The following PCCA variants were observed in gnomAD, a reference collection of about 807,000 sequenced individuals.
PCCA encodes the protein propionyl-CoA carboxylase subunit alpha, also known as propionyl-CoA carboxylase alpha chain, mitochondrial.
In PCCA, 74 loss-of-function variants were observed where a neutral mutation model predicts 101.3. That is an observed-to-expected ratio of 0.73 (90% CI 0.61 to 0.89). The LOEUF is 0.89. Ranked by LOEUF, PCCA falls within the 40% of genes least tolerant of loss-of-function variation. The pLI is 0.00. For missense variants in PCCA, 891 were observed against 907.0 expected (o/e 0.98, Z 0.23); for synonymous variants, 294 against 313.6 (o/e 0.94, Z 0.66).
intron 18 of PCCA, among the ~76,000 whole-genome samples, chr13:100,362,162 G>A (rs1437417039): frequency 6.6e-6 from 1 of 152,168 alleles, no homozygotes; most frequent in African/African-American, 2.4e-5. Flanking sequence ...CTGTTCTTGT[G>A]AAGCTCAGAA....
intron 21 of PCCA, among the ~76,000 whole-genome samples, chr13:100,462,409 A>T (rs969035714): frequency 6.6e-6 from 1 of 152,204 alleles, no homozygotes; most frequent in Non-Finnish European, 1.5e-5. Context: ...TTAGTTGAAC[A>T]TGACTTGGTC....
chr13:100,235,371 C>T (rs2060731306), intron 7 of PCCA, among the ~76,000 whole-genome samples: 1 of 151,460 alleles, frequency 6.6e-6, no homozygotes, highest in Non-Finnish European at 1.5e-5. Context: ...CCTGTAGGTA[C>T]TGGAAATTAA....
At chr13:100,469,622 C>T (rs928873011) in intron 21 of PCCA, among the ~76,000 whole-genome samples, 3 of 151,886 alleles carry the variant, frequency 2.0e-5, no homozygotes, top group South Asian at 2.1e-4. Flanking sequence ...ACTAAAAATA[C>T]AGTATTAGCT....
chr13:100,239,144 C>G (rs1234047425), intron 8 of PCCA, among the ~76,000 whole-genome samples: 1 of 152,142 alleles, frequency 6.6e-6, no homozygotes, highest in Admixed American at 6.5e-5. Context: ...AGCATTTCTT[C>G]CTAAGGCCAG....
At chr13:100,432,785 G>A (rs566062786) in intron 20 of PCCA, among the ~76,000 whole-genome samples, 1 of 152,124 alleles carries the variant, frequency 6.6e-6, no homozygotes, top group East Asian at 1.9e-4. Context: ...GAAAAAGGGG[G>A]TTGAGTTTGA....
At chr13:100,399,036 T>C (rs1311407814) in intron 19 of PCCA, among the ~76,000 whole-genome samples, 1 of 152,098 alleles carries the variant, frequency 6.6e-6, no homozygotes, top group Non-Finnish European at 1.5e-5. Context: ...TTTGAAGAAA[T>C]ACAATCAAAT....
intron 6 of PCCA, among the ~76,000 whole-genome samples, chr13:100,190,581 G>A (rs112170483): frequency 3.9e-5 from 6 of 152,106 alleles, no homozygotes; most frequent in Middle Eastern, 3.4e-3. Flanking sequence ...AGGCTGAGGC[G>A]GGAGAACTGC....
At chr13:100,484,611 A>G (rs2084222430) in intron 21 of PCCA, among the ~76,000 whole-genome samples, 1 of 152,188 alleles carries the variant, frequency 6.6e-6, no homozygotes, top group Admixed American at 6.5e-5. Flanking sequence ...CTGTAGATAT[A>G]TTTGGCATAT....
rs2063103377 is a variant in PCCA at position 100,268,687 on chromosome 13, A to C, written c.820-2A>C. On this transcript the variant is annotated splice_acceptor_variant, in intron 10 of 23. Coordinates refer to ENST00000376285, the MANE Select transcript of PCCA (RefSeq NM_000282.4). LOFTEE classifies it high-confidence loss of function. The stretch of plus-strand genomic sequence containing the variant: ...GTTTTTCAAATGGTATTGCTCTTTC[A>C]GGTTCTAGGTGATAAACATGGGAAT... The C allele has an allele frequency of 6.2e-7, 1 of 1,606,926 alleles. No homozygotes were observed. Among genetic ancestry groups the C allele is most frequent in the African/African-American group, 1.3e-5 (1 of 74,764 alleles).
intron 4 of PCCA, chr13:100,150,955 T>C: frequency 6.6e-7 from 1 of 1,518,874 alleles, no homozygotes; most frequent in African/African-American, 1.4e-5. Flanking sequence ...GTCAGCGCGC[T>C]TTATCAGGCT....
intron 12 of PCCA, among the ~76,000 whole-genome samples, chr13:100,281,212 G>A (rs774773480): frequency 5.9e-5 from 9 of 152,138 alleles, no homozygotes; most frequent in Admixed American, 5.9e-4. Context: ...ACTTAATAAG[G>A]AAAGAAAAGA....
intron 19 of PCCA, among the ~76,000 whole-genome samples, chr13:100,380,725 A>G (rs1006638862): frequency 6.6e-6 from 1 of 152,244 alleles, no homozygotes; most frequent in Non-Finnish European, 1.5e-5. Flanking sequence ...GAGGCAAAAC[A>G]TCTTTAAAAA....
chr13:100,306,475 G>A (rs916851325), intron 14 of PCCA, among the ~76,000 whole-genome samples: 2 of 152,074 alleles, frequency 1.3e-5, no homozygotes, highest in African/African-American at 2.4e-5. Flanking sequence ...GCTAACCTCC[G>A]TGCCTTGCTG....
chr13:100,115,385 G>A (rs1459526934), intron 4 of PCCA, among the ~76,000 whole-genome samples: 2 of 152,140 alleles, frequency 1.3e-5, no homozygotes, highest in Admixed American at 6.5e-5. Flanking sequence ...ACAGTCTGCA[G>A]TAATTTGTGG....
chr13:100,209,166 G>A (rs995107175), intron 6 of PCCA, among the ~76,000 whole-genome samples, 166 bp from the exon 7 acceptor site: 9 of 152,110 alleles, frequency 5.9e-5, no homozygotes, highest in Admixed American at 2.6e-4. Context: ...ATCCACACAT[G>A]TACTATATGC....
At position 100,401,574 on chromosome 13, in the gene PCCA, T is replaced by A. The variant is rs1412272269; in HGVS notation, c.1747-24059T>A. 2.0e-5 allele frequency among the ~76,000 whole-genome samples: 3 copies of A among 152,124 alleles called. No homozygotes were observed. The South Asian group carries it at 6.2e-4, about 31-fold the overall frequency. ...TTTTTGTGTTTTTTTTATTTTTTTTTAATTGTATCTTGGGAGGCCTTCATG... is the reference window on the plus strand; with the variant it reads ...TTTTTGTGTTTTTTTTATTTTTTTTAAATTGTATCTTGGGAGGCCTTCATG... On this transcript the variant is annotated intron_variant, in intron 19 of 23. Transcript: ENST00000376285.
At chr13:100,376,187 C>G (rs997635297) in intron 19 of PCCA, among the ~76,000 whole-genome samples, 5 of 152,222 alleles carry the variant, frequency 3.3e-5, no homozygotes, top group African/African-American at 1.2e-4. Flanking sequence ...GGCTGCAGAA[C>G]AGCAAAGATT....
At chr13:100,498,694 T>C (rs955087822) in intron 21 of PCCA, among the ~76,000 whole-genome samples, 4 of 152,166 alleles carry the variant, frequency 2.6e-5, no homozygotes, top group Non-Finnish European at 5.9e-5. Context: ...GCCTACTGTT[T>C]GCGTGTGACT....
chr13:100,302,297 A>G (rs954919474), intron 13 of PCCA, among the ~76,000 whole-genome samples: 18 of 152,180 alleles, frequency 1.2e-4, no homozygotes, highest in Non-Finnish European at 2.4e-4. Context: ...GTCTGTGTTT[A>G]AGAATACTGA....
Sources: gnomAD v4.1 joint callset for allele counts (sites outside exome capture counted in the v4.1 genomes callset) on GRCh38, gnomAD v4.1.1 for gene constraint, MANE v1.5 for transcripts, NCBI Gene and HGNC (gene_info 2026-07-23, HGNC 2026-07-21) for gene names.